Variants in TRAF2 observed in about 807,000 individuals in gnomAD.
TRAF2 encodes TNF receptor-associated factor 2.
A neutral mutation model predicts 55.6 loss-of-function variants in TRAF2; 6 were observed. That is an observed-to-expected ratio of 0.11 (90% CI 0.06 to 0.21). The LOEUF is 0.21. Ranked by LOEUF, TRAF2 falls within the 10% of genes least tolerant of loss-of-function variation. TRAF2 has a pLI of 1.00. For synonymous variants in TRAF2, 329 were observed against 276.3 expected, an observed-to-expected ratio of 1.19 and a Z score of -1.89; for missense variants, 561 against 684.5, an observed-to-expected ratio of 0.82 and a Z score of 2.01.
intron 1 of TRAF2, among the ~76,000 whole-genome samples, chr9:136,887,298 C>T (rs541625008): frequency 6.6e-6 from 1 of 152,338 alleles, no homozygotes; most frequent in African/African-American, 2.4e-5. Context: ...CTGCAAGAAT[C>T]TGGCGTGAGC....
At chr9:136,924,927 T>C (rs17250666) in intron 10 of TRAF2, among the ~76,000 whole-genome samples, 2,000 of 152,164 alleles carry the variant, frequency 0.013, 21 homozygotes, top group Non-Finnish European at 0.016. Flanking sequence ...TTAGTAGAGA[T>C]GGGGTTTCTC....
chr9:136,897,233 G>A (rs1326590197), intron 1 of TRAF2, among the ~76,000 whole-genome samples: 4 of 152,246 alleles, frequency 2.6e-5, no homozygotes, highest in Non-Finnish European at 4.4e-5. Flanking sequence ...TTGGCTGGAT[G>A]ATGCTCAGAG....
At chr9:136,912,412 G>A (rs1403115277) in intron 6 of TRAF2, among the ~76,000 whole-genome samples, 15 of 145,348 alleles carry the variant, frequency 1.0e-4, no homozygotes, top group Admixed American at 9.5e-4. Flanking sequence ...CACCCATCTC[G>A]GCCTCCCAAA....
At chr9:136,925,101 A>AGAAGGTCCCTTC (rs1850496864) in intron 10 of TRAF2, among the ~76,000 whole-genome samples, 1 of 152,194 alleles carries the variant, frequency 6.6e-6, no homozygotes. Flanking sequence ...CTGGAATGAG[A>AGAAGGTCCCTTC]GAAGGTCCCT....
chr9:136,924,681 A>C (rs989303592), intron 10 of TRAF2, among the ~76,000 whole-genome samples: 28 of 151,706 alleles, frequency 1.8e-4, no homozygotes, highest in African/African-American at 6.7e-4. Flanking sequence ...CCTGCCCTGG[A>C]GAGAGAGTGC....
At position 136,908,065 on chromosome 9, in the gene TRAF2, G is replaced by C. The variant is rs1226118542; in HGVS notation, c.367-5G>C. On this transcript the variant is annotated splice_polypyrimidine_tract_variant and splice_region_variant and intron_variant, in intron 4 of 10. Transcript: ENST00000247668. ...TCTACTGACGCTTCCTCCTTTCGTT[G>C]CTAGAGCTGCCACGAAGGCCGCTGC... The C allele has an allele frequency of 1.3e-6, 2 of 1,598,652 alleles. No individual in the cohort carries two copies. The highest frequency in any genetic ancestry group is 4.5e-5 in the East Asian group (2 of 44,814).
At chr9:136,887,656 C>G (rs1849484259) in intron 1 of TRAF2, among the ~76,000 whole-genome samples, 1 of 152,168 alleles carries the variant, frequency 6.6e-6, no homozygotes, top group South Asian at 2.1e-4. Flanking sequence ...TGCCCTGTAA[C>G]TCAGTCTCTC....
intron 10 of TRAF2, 112 bp downstream of exon 10, chr9:136,924,112 C>G: frequency 5.3e-6 from 7 of 1,318,106 alleles, no homozygotes; most frequent in Non-Finnish European, 7.2e-6. Context: ...CTCGCTGGAC[C>G]AGGTGTCTGC....
In TRAF2 at chr9:136,920,419, C is replaced by T. The variant is rs1291115705; in HGVS notation, c.864C>T (p.Val288=). 1.2e-6 allele frequency: 2 copies of T among 1,613,998 alleles called. No homozygotes were observed. The highest frequency in any genetic ancestry group is 2.7e-5 in the African/African-American group (2 of 74,926). Residue 288 remains valine (V), a synonymous_variant, in exon 8 of 11, where the codon GTC becomes GTT. Transcript: ENST00000247668. ...CCACTTTTGAGAACATTGTCTGCGT[C>T]CTGAACCGGGAGGTGGAGAGGGTGG... The part of the protein sequence containing the change: ...KTATFENIVC[V]LNREVERVAM...
At chr9:136,924,922 A>G (rs1167971733) in intron 10 of TRAF2, among the ~76,000 whole-genome samples, 2 of 152,094 alleles carry the variant, frequency 1.3e-5, no homozygotes, top group Non-Finnish European at 2.9e-5. Flanking sequence ...TATTTTTAGT[A>G]GAGATGGGGT....
rs888155950 is a variant in TRAF2 at position 136,909,832 on chromosome 9, C to T, written c.529-88C>T. Reference sequence around the variant, plus strand: ...ACCACGTGCTCCTGCGGCCCCTCGGCGCTGCCCAGCCTGAGCACTGTGTGC... The same window carrying T: ...ACCACGTGCTCCTGCGGCCCCTCGGTGCTGCCCAGCCTGAGCACTGTGTGC... On this transcript the variant is annotated intron_variant, in intron 5 of 10. Transcript: ENST00000247668. The T allele has an allele frequency of 4.7e-5, 65 of 1,386,462 alleles. No individual in the cohort carries two copies. The Middle Eastern group carries it at 2.4e-3, about 50-fold the overall frequency. 85.9% of individuals were successfully genotyped at this position (1,386,462 alleles called of 1,614,324 possible).
At chr9:136,905,884 C>G (rs564008646) in intron 4 of TRAF2, among the ~76,000 whole-genome samples, 2 of 152,282 alleles carry the variant, frequency 1.3e-5, no homozygotes, top group African/African-American at 4.8e-5. Flanking sequence ...GCAGGTGAAT[C>G]ACGAGGTCAG....
chr9:136,910,049 G>C (rs374527410), intron 6 of TRAF2, 55 bp downstream of exon 6: 1 of 1,564,974 alleles, frequency 6.4e-7, no homozygotes, highest in Non-Finnish European at 8.7e-7. Context: ...TGTGTTGGAC[G>C]TGAGGGTCCC....
upstream of TRAF2, among the ~76,000 whole-genome samples, chr9:136,884,655 TCA>T: frequency 6.6e-6 from 1 of 152,288 alleles, no homozygotes; most frequent in East Asian, 1.9e-4. Flanking sequence ...CTCCTGAGCT[TCA>T]GTCATCTTCC....
intron 1 of TRAF2, among the ~76,000 whole-genome samples, chr9:136,890,940 G>A (rs938848207): frequency 2.0e-5 from 3 of 152,108 alleles, no homozygotes; most frequent in African/African-American, 4.8e-5. Context: ...TGTGAACCTC[G>A]GCTCACTGCA....
intron 7 of TRAF2, 120 bp downstream of exon 7, chr9:136,916,735 C>T (rs1329836903): frequency 1.1e-6 from 1 of 944,588 alleles, no homozygotes; most frequent in Non-Finnish European, 1.7e-6. Flanking sequence ...TGCAGCACTG[C>T]CTCCTCCTGC....
Position 136,900,421 on chromosome 9 carries a change from G to C in TRAF2, c.268-1G>C. On this transcript the variant is annotated splice_acceptor_variant, in intron 3 of 10. Transcript: ENST00000247668. LOFTEE classifies it high-confidence loss of function. ...AACCCGAGGGATATTCCTCTCCCCA[G>C]GCCTTCCCAGATAATGCTGCCCGCA... The C allele has an allele frequency of 6.3e-7, 1 of 1,593,268 alleles. No individual in the cohort carries two copies. Among genetic ancestry groups the C allele is most frequent in the Non-Finnish European group, 8.6e-7 (1 of 1,168,444 alleles).
intron 1 of TRAF2, among the ~76,000 whole-genome samples, chr9:136,890,756 C>G (rs376141509): frequency 2.6e-5 from 4 of 152,202 alleles, no homozygotes; most frequent in East Asian, 3.8e-4. Flanking sequence ...TCAGTGGGAC[C>G]TCAGGGTCCC....
upstream of TRAF2, among the ~76,000 whole-genome samples, chr9:136,883,714 A>G (rs1353531165): frequency 6.6e-6 from 1 of 151,788 alleles, no homozygotes; most frequent in African/African-American, 2.4e-5. Context: ...ACAGGGTTTC[A>G]CCACGTTGGC....
Sources: allele counts gnomAD v4.1 joint callset (sites outside exome capture counted in the v4.1 genomes callset), GRCh38; gene constraint gnomAD v4.1.1; transcripts MANE v1.5; gene names NCBI Gene and HGNC (gene_info 2026-07-23, HGNC 2026-07-21).